Variants in AUTS2 observed in about 807,000 individuals in gnomAD.
The protein encoded by AUTS2 is activator of transcription and developmental regulator AUTS2, also known as autism susceptibility gene 2 protein.
AUTS2 carries 17 observed loss-of-function variants against 112.4 expected under a neutral mutation model. That is an observed-to-expected ratio of 0.15 (90% confidence interval 0.10 to 0.23). The LOEUF is 0.23. Among genes scored for constraint, AUTS2 ranks in the 10% least tolerant of loss-of-function variants. AUTS2 has a pLI of 1.00. For missense variants in AUTS2, 1,510 were observed against 1,701.6 expected, an observed-to-expected ratio of 0.89 and a Z score of 1.98; for synonymous variants, 751 against 702.7, an observed-to-expected ratio of 1.07 and a Z score of -1.09.
At chr7:70,238,193 G>A (rs1041055376) in intron 4 of AUTS2, among the ~76,000 whole-genome samples, 9 of 152,148 alleles carry the variant, frequency 5.9e-5, no homozygotes, top group African/African-American at 1.9e-4. Context: ...CCTGGGACTC[G>A]AGTGCTGCTT....
chr7:70,118,419 T>A, intron 3 of AUTS2, 186 bp downstream of exon 3: 1 of 703,816 alleles, frequency 1.4e-6, no homozygotes, highest in Non-Finnish European at 2.1e-6. Flanking sequence ...GGTGTCATTC[T>A]AAAATGTCGT....
chr7:69,876,022 A>G (rs1204980187), intron 1 of AUTS2, among the ~76,000 whole-genome samples: 1 of 152,062 alleles, frequency 6.6e-6, no homozygotes, highest in East Asian at 1.9e-4. Flanking sequence ...ATTTGATAGT[A>G]CAAATTAACA....
chr7:70,181,536 G>A (rs1348304156), intron 4 of AUTS2, among the ~76,000 whole-genome samples: 2 of 150,084 alleles, frequency 1.3e-5, no homozygotes, highest in Non-Finnish European at 3.0e-5. Flanking sequence ...TGCCCAGGCT[G>A]GAGTGCAGTG....
intron 4 of AUTS2, among the ~76,000 whole-genome samples, chr7:70,360,666 T>G (rs1792220045): frequency 6.6e-6 from 1 of 152,156 alleles, no homozygotes; most frequent in African/African-American, 2.4e-5. Flanking sequence ...TTCTGCTCTC[T>G]TTTCCTTACA....
At chr7:69,920,054 G>A (rs1474833516) in intron 2 of AUTS2, among the ~76,000 whole-genome samples, 1 of 100,618 alleles carries the variant, frequency 9.9e-6, no homozygotes, top group Non-Finnish European at 1.8e-5. Context: ...ATGAGATAGT[G>A]TAACTTTTTT....
intron 5 of AUTS2, among the ~76,000 whole-genome samples, chr7:70,678,088 A>G (rs1169041817): frequency 6.6e-6 from 1 of 152,076 alleles, no homozygotes. Flanking sequence ...CCTCAAAAAA[A>G]ATTAATAAAT....
At chr7:70,049,854 C>T (rs80324097) in intron 2 of AUTS2, among the ~76,000 whole-genome samples, 4,422 of 151,550 alleles carry the variant, frequency 0.029, 243 homozygotes, top group African/African-American at 0.1. Flanking sequence ...ACCCAACAAA[C>T]GTGTGTGTTT....
At position 70,428,898 on chromosome 7, in the gene AUTS2, A is replaced by G. The variant is rs142984175; in HGVS notation, c.661-6854A>G. 9.3e-4 allele frequency among the ~76,000 whole-genome samples: 141 copies of G among 152,354 alleles called. 1 individual carries two copies. The East Asian group carries it at 0.022, about 24-fold the overall frequency. ...ATGTCACAGACCTTGACTGATTTCA[A>G]TTTGGACCAGAGTCTTAAAACACAG... On this transcript the variant is annotated intron_variant, in intron 4 of 18. Transcript: ENST00000342771.
intron 5 of AUTS2, among the ~76,000 whole-genome samples, chr7:70,528,807 T>TA (rs35865901): frequency 5.0e-4 from 71 of 143,034 alleles, no homozygotes; most frequent in East Asian, 2.6e-3. Context: ...GATCTCATCT[T>TA]AAAAAAAAAA....
At chr7:70,497,807 G>A (rs1798615541) in intron 5 of AUTS2, among the ~76,000 whole-genome samples, 2 of 152,134 alleles carry the variant, frequency 1.3e-5, no homozygotes, top group South Asian at 4.1e-4. Flanking sequence ...AAAGCACAGG[G>A]CCTGCAGCTT....
intron 4 of AUTS2, among the ~76,000 whole-genome samples, chr7:70,140,818 A>G (rs963070570): frequency 1.3e-5 from 2 of 152,228 alleles, no homozygotes; most frequent in Non-Finnish European, 2.9e-5. Flanking sequence ...AGTTATTATT[A>G]GGGCATTTGG....
chr7:70,007,014 G>T (rs762444582), intron 2 of AUTS2, among the ~76,000 whole-genome samples: 13 of 152,056 alleles, frequency 8.5e-5, no homozygotes, highest in African/African-American at 1.7e-4. Flanking sequence ...GCAGAATTAG[G>T]CATATTGGAT....
intron 4 of AUTS2, among the ~76,000 whole-genome samples, chr7:70,251,354 C>T (rs1328685986): frequency 2.6e-5 from 4 of 152,172 alleles, no homozygotes; most frequent in Non-Finnish European, 5.9e-5. Context: ...TGAACCACCA[C>T]ACCCGGCCAA....
intron 2 of AUTS2, among the ~76,000 whole-genome samples, chr7:70,029,260 CTTTT>C (rs34751901): frequency 1.6e-5 from 2 of 124,810 alleles, no homozygotes; most frequent in Admixed American, 8.1e-5. Context: ...TCCAGGGATA[CTTTT>C]TTTTTTTTTT....
intron 2 of AUTS2, among the ~76,000 whole-genome samples, chr7:69,967,410 G>T (rs989400074): frequency 6.6e-6 from 1 of 152,026 alleles, no homozygotes; most frequent in Non-Finnish European, 1.5e-5. Flanking sequence ...CTTGTCAGCC[G>T]GCCAACACAG....
chr7:69,893,293 A>T (rs1794603599), intron 1 of AUTS2, among the ~76,000 whole-genome samples: 1 of 152,240 alleles, frequency 6.6e-6, no homozygotes, highest in Non-Finnish European at 1.5e-5. Flanking sequence ...CCATTTGCTC[A>T]AAAGTCCAAA....
At position 70,602,295 on chromosome 7, in the gene AUTS2, CA is replaced by C. The variant is rs542551144; in HGVS notation, c.691-96271del. ...CTCTCAACCTTGCACCAGAGGAAAC[CA>C]AAGCTCCAGGAAGTGACTTGGCTAA... is the stretch of plus-strand genomic sequence containing the variant. On this transcript the variant is annotated intron_variant, in intron 5 of 18. Transcript: ENST00000342771. Among the ~76,000 whole-genome samples the C allele has an allele frequency of 7.2e-5, 11 of 152,334 alleles. No homozygotes were observed. The South Asian group carries it at 2.1e-3, about 29-fold the overall frequency.
intron 2 of AUTS2, among the ~76,000 whole-genome samples, chr7:70,030,424 G>A (rs1392157622): frequency 6.6e-6 from 1 of 152,194 alleles, no homozygotes; most frequent in African/African-American, 2.4e-5. Context: ...TGGTAATGAT[G>A]TAATGACCTT....
intron 1 of AUTS2, among the ~76,000 whole-genome samples, chr7:69,813,910 A>C (rs1031901555): frequency 1.3e-5 from 2 of 152,146 alleles, no homozygotes; most frequent in Non-Finnish European, 2.9e-5. Flanking sequence ...TAAACAGAAA[A>C]AGAAGTCAGC....
Sources: gnomAD v4.1 joint callset for allele counts (sites outside exome capture counted in the v4.1 genomes callset) on GRCh38, gnomAD v4.1.1 for gene constraint, MANE v1.5 for transcripts, NCBI Gene and HGNC (gene_info 2026-07-23, HGNC 2026-07-21) for gene names.